MVB12B: variants seen among roughly 807,000 people sequenced by gnomAD.
MVB12B encodes multivesicular body subunit 12B, also known as ESCRT-I complex subunit MVB12B.
MVB12B carries 16 observed loss-of-function variants against 41.6 expected under a neutral mutation model. The ratio of observed to expected loss-of-function variants is 0.38; its 90% confidence interval spans 0.26 to 0.58. The LOEUF is 0.58. MVB12B is among the 20% of genes least tolerant of loss of function. MVB12B has a pLI of 0.62. For missense variants in MVB12B, 274 were observed against 380.2 expected, an observed-to-expected ratio of 0.72 and a Z score of 2.32; for synonymous variants, 133 against 139.7, an observed-to-expected ratio of 0.95 and a Z score of 0.34.
chr9:126,366,252 A>G (rs1457564858), intron 2 of MVB12B, among the ~76,000 whole-genome samples: 2 of 151,628 alleles, frequency 1.3e-5, no homozygotes, highest in Non-Finnish European at 2.9e-5. Context: ...TCACCCCTCA[A>G]TTCCTAAATT....
rs117585398 is a variant in MVB12B, at chr9:126,482,019, T to C, written c.813+595T>C. ...GACCCAACCATCCACATCAGCACTC[T>C]CACGCAGGCCAGGCTCACGCCATCT... On this transcript the variant is annotated intron_variant, in intron 8 of 9. Transcript: ENST00000361171. Among the ~76,000 whole-genome samples the C allele has an allele frequency of 1.0e-3, 156 of 152,322 alleles. 3 individuals are homozygous for C. In the East Asian group the frequency reaches 0.029, roughly 28 times the overall value.
chr9:126,343,886 C>T (rs943813320), intron 2 of MVB12B, among the ~76,000 whole-genome samples: 5 of 152,292 alleles, frequency 3.3e-5, no homozygotes, highest in East Asian at 1.9e-4. Context: ...CACTGCGCTC[C>T]AGCCTGGGCA....
At chr9:126,357,063 G>A (rs1588101933) in intron 2 of MVB12B, among the ~76,000 whole-genome samples, 2 of 152,104 alleles carry the variant, frequency 1.3e-5, no homozygotes, top group Admixed American at 6.5e-5. Flanking sequence ...CTAGGAAACC[G>A]TTGGTCTACT....
rs184350415 is a variant in MVB12B, at chr9:126,489,459, G to A, written c.873+5427G>A. Reference sequence around the variant, plus strand: ...AGAGTCGTGGTACCTGATGCACTTGGGTGAAATTTCATGAAAAATGCCCAA... The same window carrying A: ...AGAGTCGTGGTACCTGATGCACTTGAGTGAAATTTCATGAAAAATGCCCAA... On this transcript the variant is annotated intron_variant, in intron 9 of 9. Coordinates refer to ENST00000361171, the MANE Select transcript of MVB12B (RefSeq NM_033446.3). Among the ~76,000 whole-genome samples, 663 of 152,318 alleles carry A rather than the reference G, an allele frequency of 4.4e-3. 6 individuals are homozygous for A. Among genetic ancestry groups the A allele is most frequent in the African/African-American group, 0.015 (629 of 41,556 alleles).
At position 126,367,837 on chromosome 9, in the gene MVB12B, T is replaced by A. The variant is rs746294978; in HGVS notation, c.205-13227T>A. ...AGGTCAAACCCAGGTCTCCTGCCTC[T>A]GTGTGGCTCTCTTCCCTGCGCCCTC... On this transcript the variant is annotated intron_variant, in intron 2 of 9. Coordinates refer to ENST00000361171, the MANE Select transcript of MVB12B (RefSeq NM_033446.3). The surrounding 1 kb of genome is among the most constrained non-coding windows in gnomAD (Gnocchi z 4.3). Among the ~76,000 whole-genome samples the A allele has an allele frequency of 2.0e-5, 3 of 152,196 alleles. No individual in the cohort carries two copies. The highest frequency in any genetic ancestry group is 2.1e-4 in the South Asian group (1 of 4,828).
chr9:126,448,849 A>G (rs953211191), intron 7 of MVB12B, among the ~76,000 whole-genome samples: 10 of 152,232 alleles, frequency 6.6e-5, no homozygotes, highest in African/African-American at 2.2e-4. Flanking sequence ...AACATTGGGA[A>G]TCACATGTCA....
intron 6 of MVB12B, among the ~76,000 whole-genome samples, chr9:126,398,094 G>A (rs934345592): frequency 1.3e-5 from 2 of 151,968 alleles, no homozygotes; most frequent in South Asian, 2.1e-4. Flanking sequence ...CTTTGCTCCC[G>A]GTGCTCCCTG....
Position 126,352,230 on chromosome 9 carries a change from T to C in MVB12B, c.204+11600T>C, listed in dbSNP as rs528856496. 1.2e-4 allele frequency among the ~76,000 whole-genome samples: 18 copies of C among 152,356 alleles called. 1 individual carries two copies. In the South Asian group the frequency reaches 2.3e-3, roughly 19 times the overall value. On this transcript the variant is annotated intron_variant, in intron 2 of 9. Transcript: ENST00000361171. ...GTATACTGTCTGTCTGGCTTGGTAA[T>C]ACTAGATTCATAAAATGAATTGGAA...
chr9:126,505,426 C>T lies in MVB12B; in HGVS notation c.*2163C>T, dbSNP rs1217842144. On this transcript the variant is annotated 3_prime_UTR_variant, in exon 10 of 10. Transcript: ENST00000361171. ...TGCAGTTGCTGGATGGATAGGGACA[C>T]CAGGAAGAGGACAAACTGCATGGAC... 1 of 152,228 alleles carries T rather than the reference C, an allele frequency of 6.6e-6. No individual in the cohort carries two copies. The highest frequency in any genetic ancestry group is 1.5e-5 in the Non-Finnish European group (1 of 68,054). The allele number at this position is 152,228 out of a possible 1,614,324, so 9.4% of individuals were successfully genotyped here.
intron 7 of MVB12B, among the ~76,000 whole-genome samples, chr9:126,451,766 T>C (rs1832893319): frequency 6.6e-6 from 1 of 152,124 alleles, no homozygotes; most frequent in African/African-American, 2.4e-5. Flanking sequence ...AGGGGGTTTA[T>C]TTATCTTTCT....
intron 2 of MVB12B, among the ~76,000 whole-genome samples, chr9:126,348,147 A>C (rs1262484471): frequency 6.6e-6 from 1 of 152,276 alleles, no homozygotes; most frequent in Non-Finnish European, 1.5e-5. Context: ...GCTTGTTTTG[A>C]TAAAAGGCAC....
chr9:126,446,290 G>T (rs1021473342), intron 7 of MVB12B, among the ~76,000 whole-genome samples: 3 of 151,858 alleles, frequency 2.0e-5, no homozygotes. Flanking sequence ...GAAAGTTATT[G>T]TTATATTTCT....
In MVB12B at chr9:126,397,470, G is replaced by A. The variant is rs531714238; in HGVS notation, c.662+1773G>A. The A allele has an allele frequency of 4.1e-6, 4 of 985,416 alleles. 1 individual carries two copies. In the South Asian group the frequency reaches 1.9e-4, roughly 46 times the overall value. 61.0% of individuals were successfully genotyped at this position (985,416 alleles called of 1,614,324 possible). A position where few individuals can be genotyped will look rare whatever the true frequency, so the allele number is the denominator to read the frequency against. On this transcript the variant is annotated intron_variant, in intron 6 of 9. Coordinates refer to ENST00000361171, the MANE Select transcript of MVB12B (RefSeq NM_033446.3). ...TGCTGTACAGTTTATGGTTTACAAT[G>A]GCTGCAAGGAAATCGGATCAGTTTT...
At position 126,458,943 on chromosome 9, in the gene MVB12B, A is replaced by G. The variant is rs1015816498; in HGVS notation, c.758-22426A>G. Among the ~76,000 whole-genome samples the G allele has an allele frequency of 5.9e-5, 9 of 152,332 alleles. No individual in the cohort carries two copies. The East Asian group carries it at 9.7e-4, about 16-fold the overall frequency. ...CTGGAATCCAGAAAAGGCATTCACA[A>G]GGCATCTGAATTTATTCTCTTTCTT... is the stretch of plus-strand genomic sequence containing the variant. On this transcript the variant is annotated intron_variant, in intron 7 of 9. Coordinates refer to ENST00000361171, the MANE Select transcript of MVB12B (RefSeq NM_033446.3).
chr9:126,367,462 G>A lies in MVB12B; in HGVS notation c.205-13602G>A, dbSNP rs1588112218. On this transcript the variant is annotated intron_variant, in intron 2 of 9. Coordinates refer to ENST00000361171, the MANE Select transcript of MVB12B (RefSeq NM_033446.3). This position sits in a 1 kb window ranked among gnomAD's most constrained non-coding sequence, Gnocchi z 4.3. ...GCCTTTTCTGTCCTTTCTTCTAGGG[G>A]TGCGCCTGCCCCTCTGCCCCTACTT... Among the ~76,000 whole-genome samples the A allele has an allele frequency of 6.6e-6, 1 of 151,978 alleles. No homozygotes were observed. Among genetic ancestry groups the A allele is most frequent in the Non-Finnish European group, 1.5e-5 (1 of 67,978 alleles).
intron 9 of MVB12B, among the ~76,000 whole-genome samples, chr9:126,501,961 T>G (rs1319973839): frequency 6.6e-6 from 1 of 152,106 alleles, no homozygotes; most frequent in Non-Finnish European, 1.5e-5. Context: ...GCCGTGTTCC[T>G]GAGGGCCTCC....
At chr9:126,502,236 C>T (rs1038992921) in intron 9 of MVB12B, among the ~76,000 whole-genome samples, 100 of 152,122 alleles carry the variant, frequency 6.6e-4, no homozygotes, top group Non-Finnish European at 1.8e-4. Flanking sequence ...CCAGCCCCAA[C>T]GCCTTGCACC....
intron 2 of MVB12B, among the ~76,000 whole-genome samples, chr9:126,369,676 A>G (rs1453890810): frequency 6.6e-6 from 1 of 151,592 alleles, no homozygotes. Flanking sequence ...GTTTTTTGGC[A>G]GATTTTCACT....
rs1833500549 is a variant in MVB12B, at chr9:126,480,282, G to A, written c.758-1087G>A. ...TTCCCGACTCTTCCCAGACCTAAGG[G>A]AGAAGCCAACACTGGAAAGGCCCCT... On this transcript the variant is annotated intron_variant, in intron 7 of 9. Transcript: ENST00000361171. The surrounding 1 kb of genome is among the most constrained non-coding windows in gnomAD (Gnocchi z 4.9). 6.6e-6 allele frequency among the ~76,000 whole-genome samples: 1 copy of A among 152,176 alleles called. No homozygotes were observed. The highest frequency in any genetic ancestry group is 6.5e-5 in the Admixed American group (1 of 15,284).
Sources: allele counts gnomAD v4.1 joint callset (sites outside exome capture counted in the v4.1 genomes callset), GRCh38; gene constraint gnomAD v4.1.1; non-coding constraint Gnocchi (gnomAD v3.1); transcripts MANE v1.5; gene names NCBI Gene and HGNC (gene_info 2026-07-23, HGNC 2026-07-21).